Variants in NIN observed in about 807,000 individuals in gnomAD.
NIN encodes the protein glycogen synthase kinase 3 beta-interacting protein.
NIN carries 137 observed loss-of-function variants against 257.6 expected under a neutral mutation model. The observed-to-expected ratio is 0.53, with a 90% confidence interval of 0.46 to 0.61. NIN has a LOEUF of 0.61. NIN is among the 20% of genes least tolerant of loss of function. The pLI is 0.00. For missense variants in NIN, 2,439 were observed against 2,501.2 expected, an observed-to-expected ratio of 0.98 and a Z score of 0.53; for synonymous variants, 918 against 919.8, an observed-to-expected ratio of 1.00 and a Z score of 0.04.
At position 50,729,535 on chromosome 14, in the gene NIN, G is replaced by A; in HGVS notation, c.6066C>T (p.Thr2022=). 3 of 1,613,762 alleles carry A rather than the reference G, an allele frequency of 1.9e-6. No homozygotes were observed. The highest frequency in any genetic ancestry group is 1.7e-6 in the Non-Finnish European group (2 of 1,179,836). Residue 2022 remains threonine (T), a synonymous_variant, in exon 29 of 31, where the codon ACC becomes ACT. Transcript: ENST00000530997. ...QEELENRTSE[T]NTPQGNQEQL... is the part of the protein sequence containing the mutation. ...GAGAGCTTCATACCTGTGGTGTGTT[G>A]GTTTCGGAGGTCCTGTTTTCAAGTT...
At chr14:50,733,047 G>T (rs1041948461) in intron 28 of NIN, among the ~76,000 whole-genome samples, 1 of 151,398 alleles carries the variant, frequency 6.6e-6, no homozygotes, top group African/African-American at 2.4e-5. Context: ...TAGCCTGGGT[G>T]ACAGAATCTC....
At chr14:50,741,560 A>G in intron 25 of NIN, 22 bp downstream of exon 25, 1 of 1,608,756 alleles carries the variant, frequency 6.2e-7, no homozygotes, top group Non-Finnish European at 8.5e-7. Context: ...ACTTATACCT[A>G]AATAAAAAAA....
At chr14:50,782,548 A>G (rs2043176615) in intron 5 of NIN, among the ~76,000 whole-genome samples, 2 of 152,264 alleles carry the variant, frequency 1.3e-5, no homozygotes, top group Non-Finnish European at 2.9e-5. Flanking sequence ...AAATATTTAT[A>G]CAATTAGACA....
chr14:50,788,015 G>A (rs1259227701), intron 5 of NIN, among the ~76,000 whole-genome samples: 3 of 151,494 alleles, frequency 2.0e-5, no homozygotes, highest in Non-Finnish European at 4.4e-5. Context: ...AGACAATAAA[G>A]GAAAAGACTG....
At chr14:50,770,784 C>T in intron 11 of NIN, 68 bp downstream of exon 11, 1 of 1,539,600 alleles carries the variant, frequency 6.5e-7, no homozygotes. Context: ...TCTGCCCCTG[C>T]AGCTGCAGGC....
chr14:50,808,009 T>G (rs934564895), intron 3 of NIN, among the ~76,000 whole-genome samples: 3 of 152,212 alleles, frequency 2.0e-5, no homozygotes, highest in African/African-American at 7.2e-5. Context: ...ATTTGATATA[T>G]GTACACAATG....
intron 2 of NIN, 35 bp from the exon 3 acceptor site, chr14:50,822,112 C>A: frequency 6.7e-7 from 1 of 1,489,512 alleles, no homozygotes. Context: ...CAGGTTGTGG[C>A]AGCCTCTCCA....
intron 5 of NIN, among the ~76,000 whole-genome samples, chr14:50,782,851 G>C (rs2043188354): frequency 6.6e-6 from 1 of 152,214 alleles, no homozygotes; most frequent in Non-Finnish European, 1.5e-5. Flanking sequence ...TCAGGCTGGT[G>C]AATGTTGGAT....
chr14:50,821,887 T>C lies in NIN; in HGVS notation c.170A>G (p.Asn57Ser), dbSNP rs764101996. Reference protein sequence around the residue: ...PVLQQTLLQDNLLGRVHFDQF... With the variant: ...PVLQQTLLQDSLLGRVHFDQF... ...CCCAGACCTTACCCTGCCCAAGAGGTTGTCCTGAAGTAATGTCTGCTGCAG... is the reference window on the plus strand; with the variant it reads ...CCCAGACCTTACCCTGCCCAAGAGGCTGTCCTGAAGTAATGTCTGCTGCAG... The change falls in exon 3 of 31, where the codon AAC becomes AGC. Residue 57 changes from asparagine (N) to serine (S), a missense_variant. Physicochemically the swap from Asn to Ser is conservative, Grantham distance 46 (BLOSUM62 1). This residue lies in a region of NIN where 387 missense variants were observed against 427.3 expected (regional missense o/e 0.91). Coordinates refer to ENST00000530997, the MANE Select transcript of NIN (RefSeq NM_020921.4). 10 of 1,613,272 alleles carry C rather than the reference T, an allele frequency of 6.2e-6. No homozygotes were observed. The African/African-American group carries it at 1.1e-4, about 17-fold the overall frequency.
chr14:50,749,663 A>T, intron 21 of NIN, among the ~76,000 whole-genome samples: 1 of 152,068 alleles, frequency 6.6e-6, no homozygotes, highest in Non-Finnish European at 1.5e-5. Flanking sequence ...AAATTTTTAT[A>T]TCAATATGGA....
chr14:50,831,460 G>A (rs1447384569), upstream of NIN, among the ~76,000 whole-genome samples: 1 of 152,188 alleles, frequency 6.6e-6, no homozygotes, highest in African/African-American at 2.4e-5. Context: ...ACACTCACCC[G>A]CACCGCGGAC....
chr14:50,747,858 GT>G, intron 22 of NIN, 133 bp downstream of exon 22: 1 of 634,060 alleles, frequency 1.6e-6, no homozygotes, highest in African/African-American at 1.8e-5. Flanking sequence ...TTGCCAAGCA[GT>G]ATGTCCTCAG....
chr14:50,754,610 GT>G lies in NIN; in HGVS notation c.4686del (p.Lys1562AsnfsTer14). ...ATCTTCTGAACTGCAGCATTTTCTTGTTTTACAGTTTCCGTTTTTTGCCTAA... is the reference window on the plus strand; with the variant it reads ...ATCTTCTGAACTGCAGCATTTTCTTGTTTACAGTTTCCGTTTTTTGCCTAA... ...EEMWQKTETVKQENAAVQKMV... is the reference protein window; with the variant it reads ...EEMWQKTETVXQENAAVQKMV... On this transcript the variant is annotated frameshift_variant, in exon 20 of 31. Transcript: ENST00000530997. LOFTEE classifies it high-confidence loss of function. 6.2e-7 allele frequency: 1 copy of G among 1,610,658 alleles called. No homozygotes were observed.
intron 17 of NIN, 128 bp downstream of exon 17, chr14:50,759,729 T>G: frequency 1.1e-6 from 1 of 930,754 alleles, no homozygotes; most frequent in South Asian, 1.6e-5. Context: ...GACCTCGTGA[T>G]CCGCCCACCT....
At chr14:50,827,748 C>T (rs1427390692) in intron 2 of NIN, among the ~76,000 whole-genome samples, 2 of 121,340 alleles carry the variant, frequency 1.6e-5, no homozygotes, top group East Asian at 2.3e-4. Context: ...GAGCGAGAGA[C>T]TCCGTATCAA....
intron 20 of NIN, among the ~76,000 whole-genome samples, chr14:50,753,804 T>C (rs2041904361): frequency 6.6e-6 from 1 of 152,194 alleles, no homozygotes; most frequent in African/African-American, 2.4e-5. Flanking sequence ...TTCTTGCTAA[T>C]TCAATAGGTT....
chr14:50,771,104 A>C (rs2042713283), intron 10 of NIN, 112 bp from the exon 11 acceptor site: 3 of 1,342,850 alleles, frequency 2.2e-6, no homozygotes, highest in South Asian at 2.9e-5. Context: ...AAGACAACCA[A>C]AACCCTCCCA....
chr14:50,798,133 G>A (rs1477226701), intron 4 of NIN, among the ~76,000 whole-genome samples: 2 of 152,180 alleles, frequency 1.3e-5, no homozygotes, highest in East Asian at 3.9e-4. Flanking sequence ...TCACCAGCAA[G>A]CAGCCGCACC....
rs200667442 is a variant in NIN, at chr14:50,821,848, T to C, written c.183+26A>G. The C allele has an allele frequency of 1.6e-3, 2,478 of 1,591,092 alleles. 6 individuals are homozygous for C. The highest frequency in any genetic ancestry group is 1.9e-3 in the Non-Finnish European group (2,269 of 1,164,272). On this transcript the variant is annotated intron_variant, in intron 3 of 30. Coordinates refer to ENST00000530997, the MANE Select transcript of NIN (RefSeq NM_020921.4). ...GGCAGAAACCGCACCCCACTTCCCA[T>C]AGCCACGTTCTTCCCCAGACCTTAC...
Sources: allele counts gnomAD v4.1 joint callset (sites outside exome capture counted in the v4.1 genomes callset), GRCh38; gene constraint gnomAD v4.1.1; regional missense constraint gnomAD v4.1.1; transcripts MANE v1.5; gene names NCBI Gene and HGNC (gene_info 2026-07-23, HGNC 2026-07-21).